The following GSE1 variants were observed in gnomAD, a reference collection of about 807,000 sequenced individuals.
GSE1 encodes the protein Gse1 coiled-coil protein, also known as genetic suppressor element 1.
In GSE1, 32 loss-of-function variants were observed where a neutral mutation model predicts 112.6. That is an observed-to-expected ratio of 0.28 (90% CI 0.21 to 0.38). GSE1 has a LOEUF of 0.38. Ranked by LOEUF, GSE1 falls within the 10% of genes least tolerant of loss-of-function variation. GSE1 has a pLI of 1.00. For synonymous variants in GSE1, 1,115 were observed against 735.6 expected, an observed-to-expected ratio of 1.52 and a Z score of -8.35; for missense variants, 2,348 against 1,699.2, an observed-to-expected ratio of 1.38 and a Z score of -6.71.
At chr16:85,496,139 C>T (rs548841191) in intron 2 of GSE1, among the ~76,000 whole-genome samples, 5 of 152,294 alleles carry the variant, frequency 3.3e-5, no homozygotes, top group Non-Finnish European at 7.4e-5. Flanking sequence ...TTCCCCAGGG[C>T]CCGAGCCTGC....
chr16:85,455,117 C>T (rs1427057731), intron 2 of GSE1, among the ~76,000 whole-genome samples: 1 of 152,226 alleles, frequency 6.6e-6, no homozygotes, highest in African/African-American at 2.4e-5. Flanking sequence ...TGAGCAGCGC[C>T]CTGCGGCTGC....
intron 1 of GSE1, among the ~76,000 whole-genome samples, chr16:85,211,935 T>C (rs11862568): frequency 2.0e-4 from 31 of 152,338 alleles, no homozygotes; most frequent in African/African-American, 7.5e-4. Context: ...TGAAGGCTTC[T>C]GTGTCACCCC....
intron 1 of GSE1, among the ~76,000 whole-genome samples, chr16:85,630,273 G>T (rs1463660207): frequency 6.6e-6 from 1 of 152,212 alleles, no homozygotes; most frequent in Non-Finnish European, 1.5e-5. Context: ...GAAGTGAGTT[G>T]CTCAGTCTGG....
chr16:85,237,104 T>C (rs1201053242), intron 1 of GSE1, among the ~76,000 whole-genome samples: 1 of 152,038 alleles, frequency 6.6e-6, no homozygotes, highest in Non-Finnish European at 1.5e-5. Context: ...AGTGGGTGAA[T>C]CACAAGGTCA....
At chr16:85,588,408 T>C (rs2046809494) in intron 1 of GSE1, among the ~76,000 whole-genome samples, 1 of 152,196 alleles carries the variant, frequency 6.6e-6, no homozygotes, top group Non-Finnish European at 1.5e-5. Context: ...AGGCTGCTAA[T>C]TACCAGTGTG....
intron 2 of GSE1, among the ~76,000 whole-genome samples, chr16:85,365,212 C>A (rs1303075649): frequency 6.6e-6 from 1 of 152,202 alleles, no homozygotes; most frequent in Non-Finnish European, 1.5e-5. Flanking sequence ...CTCACACCCG[C>A]CCCCAGTATC....
At chr16:85,632,548 G>A (rs1035868666) in intron 1 of GSE1, among the ~76,000 whole-genome samples, 28 of 152,294 alleles carry the variant, frequency 1.8e-4, no homozygotes, top group African/African-American at 6.3e-4. Context: ...TCCTCTCCAC[G>A]CTGCCTCCGA....
chr16:85,616,178 C>T (rs1324688217), intron 1 of GSE1, among the ~76,000 whole-genome samples: 2 of 152,226 alleles, frequency 1.3e-5, no homozygotes, highest in African/African-American at 4.8e-5. Flanking sequence ...TCCCCCCTTC[C>T]AACCCCTGGA....
intron 1 of GSE1, among the ~76,000 whole-genome samples, chr16:85,280,610 G>T (rs936135670): frequency 1.2e-4 from 19 of 152,084 alleles, no homozygotes; most frequent in African/African-American, 3.9e-4. Context: ...TGGCCAGGCC[G>T]CTCTCGAACT....
intron 2 of GSE1, among the ~76,000 whole-genome samples, chr16:85,534,982 C>T (rs535500317): frequency 3.9e-5 from 6 of 152,316 alleles, no homozygotes; most frequent in South Asian, 2.1e-4. Context: ...CATGTGTGCA[C>T]GGCATGGCAG....
chr16:85,526,135 C>T (rs1479537152), intron 2 of GSE1, among the ~76,000 whole-genome samples: 1 of 152,206 alleles, frequency 6.6e-6, no homozygotes, highest in Non-Finnish European at 1.5e-5. Flanking sequence ...TGACTCGCAG[C>T]CCACCAGCCG....
intron 2 of GSE1, among the ~76,000 whole-genome samples, chr16:85,499,295 C>CTTTTTTTTTTTTT (rs568776401): frequency 1.3e-5 from 1 of 77,192 alleles, no homozygotes; most frequent in African/African-American, 5.1e-5. Context: ...GGAAAGTCAC[C>CTTTTTTTTTTTTT]TTTTTTTTTT....
intron 2 of GSE1, among the ~76,000 whole-genome samples, chr16:85,453,732 G>A (rs1039654049): frequency 4.6e-5 from 7 of 152,136 alleles, no homozygotes; most frequent in East Asian, 1.9e-4. Context: ...TTCATCCAGC[G>A]CCCTCCCTCT....
At chr16:85,413,098 G>A (rs536415882) in intron 2 of GSE1, among the ~76,000 whole-genome samples, 1 of 152,308 alleles carries the variant, frequency 6.6e-6, no homozygotes, top group South Asian at 2.1e-4. Flanking sequence ...TTGTCTCTTG[G>A]CTGTTTCCAG....
intron 2 of GSE1, among the ~76,000 whole-genome samples, chr16:85,550,478 G>T (rs2044865198): frequency 2.6e-5 from 4 of 152,036 alleles, no homozygotes; most frequent in African/African-American, 9.7e-5. Flanking sequence ...GGAAACGGAG[G>T]CTGCCCACCC....
At position 85,654,402 on chromosome 16, in the gene GSE1, G is replaced by A. The variant is rs1430348750; in HGVS notation, c.551G>A (p.Gly184Asp). 6.2e-7 allele frequency: 1 copy of A among 1,600,376 alleles called. No homozygotes were observed. Among genetic ancestry groups the A allele is most frequent in the Non-Finnish European group, 8.5e-7 (1 of 1,173,398 alleles). The change falls in exon 4 of 16, where the codon GGC becomes GAC. Residue 184 changes from glycine to aspartate, a missense_variant. Transcript: ENST00000253458. ...CTGCTCAGCACCCCCTACCCCTTCG[G>A]CCTCTCCCCCAGCTCAGTTGTGCAG... ...SHLLSTPYPF[G>D]LSPSSVVQDS...
intron 2 of GSE1, among the ~76,000 whole-genome samples, chr16:85,402,260 G>C (rs781372890): frequency 3.2e-4 from 49 of 152,194 alleles, no homozygotes; most frequent in Non-Finnish European, 6.2e-4. Flanking sequence ...TGTCCACCGG[G>C]CCACCGTGTT....
At chr16:85,276,748 C>T (rs1380429166) in intron 1 of GSE1, among the ~76,000 whole-genome samples, 2 of 152,082 alleles carry the variant, frequency 1.3e-5, no homozygotes, top group African/African-American at 2.4e-5. Context: ...GGTGGGACCT[C>T]GCTCGTGGCC....
intron 10 of GSE1, 23 bp downstream of exon 10, chr16:85,663,116 G>T: frequency 6.7e-7 from 1 of 1,492,668 alleles, no homozygotes. Flanking sequence ...CCTCCCCACG[G>T]ACATGCTCTG....
Sources: gnomAD v4.1 joint callset for allele counts (sites outside exome capture counted in the v4.1 genomes callset) on GRCh38, gnomAD v4.1.1 for gene constraint, MANE v1.5 for transcripts, NCBI Gene and HGNC (gene_info 2026-07-23, HGNC 2026-07-21) for gene names.